LRP1B: variants seen among roughly 807,000 people sequenced by gnomAD.
LRP1B encodes low-density lipoprotein receptor-related protein 1B.
Under a neutral mutation model 556.6 loss-of-function variants are expected in LRP1B, and 217 were observed. The observed-to-expected ratio is 0.39, with a 90% CI of 0.35 to 0.44. The LOEUF (loss-of-function observed/expected upper bound fraction) is 0.44. Ranked by LOEUF, LRP1B falls within the 20% of genes least tolerant of loss-of-function variation. LRP1B has a pLI of 1.00. For synonymous variants in LRP1B, 2,047 were observed against 1,865.8 expected (o/e 1.10, Z -2.50); for missense variants, 5,053 against 5,620.8 (o/e 0.90, Z 3.23).
intron 14 of LRP1B, among the ~76,000 whole-genome samples, chr2:141,011,957 G>A (rs1182657478): frequency 6.6e-6 from 1 of 151,984 alleles, no homozygotes; most frequent in Non-Finnish European, 1.5e-5. Flanking sequence ...AGAAATTGTA[G>A]GGGTAAGTTA....
At chr2:141,765,562 G>GA (rs945956950) in intron 2 of LRP1B, among the ~76,000 whole-genome samples, 5 of 151,620 alleles carry the variant, frequency 3.3e-5, no homozygotes, top group South Asian at 2.1e-4. Context: ...GTGATATCTG[G>GA]AAAAAAAATT....
chr2:140,708,507 T>C, intron 37 of LRP1B, among the ~76,000 whole-genome samples: 1 of 90,106 alleles, frequency 1.1e-5, no homozygotes, highest in South Asian at 3.6e-4. Context: ...TATATATATG[T>C]ATATATATAT....
At chr2:140,574,125 G>T (rs1009605997) in intron 43 of LRP1B, among the ~76,000 whole-genome samples, 1 of 151,828 alleles carries the variant, frequency 6.6e-6, no homozygotes, top group East Asian at 1.9e-4. Context: ...TCCTGTAATT[G>T]GTTTAATTAA....
At chr2:141,822,128 C>CAG (rs1364248949) in intron 1 of LRP1B, among the ~76,000 whole-genome samples, 66 of 117,170 alleles carry the variant, frequency 5.6e-4, no homozygotes, top group Middle Eastern at 4.8e-3. Context: ...CACACACACA[C>CAG]ACAGAGAGAG....
intron 21 of LRP1B, among the ~76,000 whole-genome samples, chr2:140,915,544 C>T (rs1694549323): frequency 6.6e-6 from 1 of 151,806 alleles, no homozygotes. Flanking sequence ...ATCCCAGCTA[C>T]TCAGGAGGCT....
At chr2:140,430,215 C>A (rs943207126) in intron 66 of LRP1B, among the ~76,000 whole-genome samples, 3 of 152,204 alleles carry the variant, frequency 2.0e-5, no homozygotes, top group African/African-American at 7.2e-5. Context: ...TACCCCTCTG[C>A]CCCCATCCAC....
At chr2:141,067,226 G>A (rs1325211917) in intron 7 of LRP1B, among the ~76,000 whole-genome samples, 1 of 151,880 alleles carries the variant, frequency 6.6e-6, no homozygotes, top group Non-Finnish European at 1.5e-5. Context: ...ATTTAGCATT[G>A]TAATTCTAAA....
At chr2:140,355,616 A>G (rs1421109671) in intron 75 of LRP1B, among the ~76,000 whole-genome samples, 1 of 151,940 alleles carries the variant, frequency 6.6e-6, no homozygotes, top group Non-Finnish European at 1.5e-5. Context: ...AAAAGCACTT[A>G]AAGACTTGAA....
intron 1 of LRP1B, among the ~76,000 whole-genome samples, chr2:142,113,023 C>T (rs1013275870): frequency 6.6e-6 from 1 of 152,032 alleles, no homozygotes; most frequent in Non-Finnish European, 1.5e-5. Flanking sequence ...AATCTTTCTT[C>T]CCCCTGGTGG....
intron 20 of LRP1B, among the ~76,000 whole-genome samples, chr2:140,923,972 G>T (rs923240094): frequency 6.6e-6 from 1 of 151,964 alleles, no homozygotes; most frequent in Non-Finnish European, 1.5e-5. Flanking sequence ...AAGATCTAAT[G>T]AGATATATTA....
chr2:141,681,834 C>T (rs1036777257), intron 2 of LRP1B, among the ~76,000 whole-genome samples: 1 of 152,144 alleles, frequency 6.6e-6, no homozygotes, highest in Non-Finnish European at 1.5e-5. Flanking sequence ...CTTACTGTTT[C>T]TAAATTTCCT....
intron 2 of LRP1B, among the ~76,000 whole-genome samples, chr2:141,619,293 A>G (rs1354080950): frequency 6.6e-6 from 1 of 152,226 alleles, no homozygotes; most frequent in East Asian, 1.9e-4. Flanking sequence ...CATGTTTTAC[A>G]TAGTAATCTA....
chr2:140,586,281 C>T (rs1317410265), intron 43 of LRP1B, among the ~76,000 whole-genome samples: 1 of 152,128 alleles, frequency 6.6e-6, no homozygotes. Context: ...TCTCATATAT[C>T]TCAGACTCAA....
At chr2:140,658,512 T>C (rs1684967896) in intron 41 of LRP1B, among the ~76,000 whole-genome samples, 1 of 151,962 alleles carries the variant, frequency 6.6e-6, no homozygotes, top group African/African-American at 2.4e-5. Context: ...TATTTTCTCA[T>C]CCTGAATTTC....
At chr2:140,722,296 A>C (rs1687430342) in intron 35 of LRP1B, among the ~76,000 whole-genome samples, 1 of 151,998 alleles carries the variant, frequency 6.6e-6, no homozygotes, top group South Asian at 2.1e-4. Flanking sequence ...AAAATTCTTT[A>C]TTTTCCATGT....
chr2:141,450,949 T>C (rs890311469), intron 3 of LRP1B, among the ~76,000 whole-genome samples: 1 of 152,208 alleles, frequency 6.6e-6, no homozygotes, highest in Non-Finnish European at 1.5e-5. Flanking sequence ...CTCCTAATAA[T>C]AGACATCAGC....
At chr2:140,897,069 GATTA>G (rs1213929379) in intron 23 of LRP1B, among the ~76,000 whole-genome samples, 1 of 152,160 alleles carries the variant, frequency 6.6e-6, no homozygotes, top group Non-Finnish European at 1.5e-5. Flanking sequence ...TTCAGGAAGA[GATTA>G]ATTACCAGAA....
intron 3 of LRP1B, among the ~76,000 whole-genome samples, chr2:141,362,645 A>G (rs955899659): frequency 1.3e-5 from 2 of 152,336 alleles, no homozygotes; most frequent in Admixed American, 6.5e-5. Flanking sequence ...CAATATTTTC[A>G]CAGACAAAAT....
intron 1 of LRP1B, among the ~76,000 whole-genome samples, chr2:141,819,113 C>T (rs1460706319): frequency 0.071 from 1 of 14 alleles, no homozygotes; most frequent in Non-Finnish European, 0.1. Context: ...GTGGTGCACA[C>T]CTGTATCCCA....
Sources: gnomAD v4.1 joint callset for allele counts (sites outside exome capture counted in the v4.1 genomes callset) on GRCh38, gnomAD v4.1.1 for gene constraint, MANE v1.5 for transcripts, NCBI Gene and HGNC (gene_info 2026-07-23, HGNC 2026-07-21) for gene names.